The following EXOC6B variants were observed in gnomAD, a reference collection of about 807,000 sequenced individuals.
EXOC6B encodes exocyst complex component 6B.
EXOC6B carries 54 observed loss-of-function variants against 113.5 expected under a neutral mutation model. That is an observed-to-expected ratio of 0.48 (90% CI 0.38 to 0.60). The LOEUF is 0.60. Among genes scored for constraint, EXOC6B ranks in the 20% least tolerant of loss-of-function variants. The pLI is 0.00. For missense variants in EXOC6B, 797 were observed against 977.5 expected (o/e 0.82, Z 2.46); for synonymous variants, 357 against 339.0 (o/e 1.05, Z -0.58).
At chr2:72,823,780 C>CAAA (rs780964417) in intron 1 of EXOC6B, among the ~76,000 whole-genome samples, 1 of 137,474 alleles carries the variant, frequency 7.3e-6, no homozygotes. Flanking sequence ...GACCCTGTCC[C>CAAA]AAAAAAAAAA....
chr2:72,705,857 G>A (rs193302427), intron 6 of EXOC6B, among the ~76,000 whole-genome samples: 26 of 152,080 alleles, frequency 1.7e-4, no homozygotes, highest in African/African-American at 5.8e-4. Context: ...TAAACAAGAG[G>A]GAATAAAAAA....
chr2:72,223,895 A>G (rs2104438417), intron 20 of EXOC6B, among the ~76,000 whole-genome samples: 1 of 152,294 alleles, frequency 6.6e-6, no homozygotes, highest in East Asian at 1.9e-4. Context: ...TAGTTGGTGA[A>G]CTTGGCATCT....
rs1042951283 is a variant in EXOC6B at position 72,265,870 on chromosome 2, A to G, written c.2196+69077T>C. 1.2e-4 allele frequency among the ~76,000 whole-genome samples: 18 copies of G among 152,324 alleles called. 1 individual carries two copies. Among genetic ancestry groups the G allele is most frequent in the African/African-American group, 4.3e-4 (18 of 41,568 alleles). On this transcript the variant is annotated intron_variant, in intron 20 of 21. Coordinates refer to ENST00000272427, the MANE Select transcript of EXOC6B (RefSeq NM_015189.3). ...GTTGAACCGGTTTACAGTCCCAGCA[A>G]CAGTGTAAAAGTGTTCCTATTTCTC... is the stretch of plus-strand genomic sequence containing the variant.
chr2:72,636,428 A>T (rs1177510852), intron 6 of EXOC6B, among the ~76,000 whole-genome samples: 1 of 150,054 alleles, frequency 6.7e-6, no homozygotes, highest in East Asian at 2.0e-4. Context: ...GGACGAGAAG[A>T]GGAGGGAGGA....
intron 21 of EXOC6B, among the ~76,000 whole-genome samples, chr2:72,181,585 G>A (rs925625875): frequency 6.6e-6 from 1 of 152,114 alleles, no homozygotes; most frequent in Admixed American, 6.5e-5. Flanking sequence ...ATATTCATAG[G>A]ACATTTAGTT....
chr2:72,688,630 C>A (rs1414256811), intron 6 of EXOC6B, among the ~76,000 whole-genome samples: 1 of 152,142 alleles, frequency 6.6e-6, no homozygotes, highest in Non-Finnish European at 1.5e-5. Context: ...CAAAGAGATG[C>A]AGGTGCTAGC....
chr2:72,610,322 A>G (rs1242041026), intron 6 of EXOC6B, among the ~76,000 whole-genome samples: 1 of 152,218 alleles, frequency 6.6e-6, no homozygotes, highest in Admixed American at 6.5e-5. Context: ...TAGCAAAACC[A>G]CAATTACTTT....
intron 1 of EXOC6B, among the ~76,000 whole-genome samples, chr2:72,822,003 A>G (rs1292255019): frequency 6.6e-6 from 1 of 152,214 alleles, no homozygotes; most frequent in African/African-American, 2.4e-5. Flanking sequence ...GTATTTCAAT[A>G]TTAAATTTTA....
intron 17 of EXOC6B, among the ~76,000 whole-genome samples, chr2:72,473,652 G>T (rs1465409967): frequency 6.6e-6 from 1 of 151,948 alleles, no homozygotes; most frequent in Non-Finnish European, 1.5e-5. Flanking sequence ...TTTAAGTAAA[G>T]AATTAAATCA....
chr2:72,578,656 C>T (rs1364192433), intron 6 of EXOC6B, among the ~76,000 whole-genome samples: 2 of 151,882 alleles, frequency 1.3e-5, no homozygotes. Context: ...ACTGGTGATA[C>T]AAAGAAATAA....
At chr2:72,443,921 T>C (rs983303582) in intron 18 of EXOC6B, among the ~76,000 whole-genome samples, 6 of 152,066 alleles carry the variant, frequency 3.9e-5, no homozygotes, top group Admixed American at 1.3e-4. Context: ...CCAAATCTCA[T>C]ATCCTCACAC....
At chr2:72,640,031 CA>C in intron 6 of EXOC6B, among the ~76,000 whole-genome samples, 1 of 152,066 alleles carries the variant, frequency 6.6e-6, no homozygotes. Flanking sequence ...GCTGAAATGA[CA>C]AAAACAGAAT....
chr2:72,750,274 T>C (rs1405694904), intron 1 of EXOC6B, among the ~76,000 whole-genome samples: 1 of 152,074 alleles, frequency 6.6e-6, no homozygotes, highest in Non-Finnish European at 1.5e-5. Context: ...CAGAGTAGTT[T>C]CCATCCTAAA....
intron 20 of EXOC6B, among the ~76,000 whole-genome samples, chr2:72,261,588 T>C (rs1032633762): frequency 3.3e-5 from 5 of 152,178 alleles, no homozygotes; most frequent in African/African-American, 1.2e-4. Context: ...TATAGCCTGT[T>C]CCAATTTTTG....
chr2:72,763,165 C>T (rs1682845797), intron 1 of EXOC6B, among the ~76,000 whole-genome samples: 1 of 151,804 alleles, frequency 6.6e-6, no homozygotes, highest in Admixed American at 6.6e-5. Flanking sequence ...AAACAAAAAA[C>T]AAACAGCAAG....
chr2:72,815,909 A>G (rs568953071), intron 1 of EXOC6B, among the ~76,000 whole-genome samples: 38 of 152,222 alleles, frequency 2.5e-4, no homozygotes, highest in Non-Finnish European at 4.9e-4. Flanking sequence ...ATGTAATCCC[A>G]GTACTTTGGG....
chr2:72,259,075 G>A (rs1327981500), intron 20 of EXOC6B, among the ~76,000 whole-genome samples: 3 of 152,116 alleles, frequency 2.0e-5, no homozygotes, highest in African/African-American at 4.8e-5. Flanking sequence ...ATGATGAAAT[G>A]CACAAATCTT....
intron 1 of EXOC6B, among the ~76,000 whole-genome samples, chr2:72,821,860 A>G (rs1686599569): frequency 6.6e-6 from 1 of 152,184 alleles, no homozygotes; most frequent in South Asian, 2.1e-4. Context: ...AAAATTTTCT[A>G]AAATTAGGTT....
intron 20 of EXOC6B, among the ~76,000 whole-genome samples, chr2:72,226,571 A>C (rs1426831723): frequency 6.6e-6 from 1 of 152,196 alleles, no homozygotes; most frequent in Non-Finnish European, 1.5e-5. Context: ...TGGAAAGTAA[A>C]GTTGTACTCT....
Sources: gnomAD v4.1 joint callset for allele counts (sites outside exome capture counted in the v4.1 genomes callset) on GRCh38, gnomAD v4.1.1 for gene constraint, MANE v1.5 for transcripts, NCBI Gene and HGNC (gene_info 2026-07-23, HGNC 2026-07-21) for gene names.